UGT1A7: variants seen among roughly 807,000 people sequenced by gnomAD.
The protein encoded by UGT1A7 is UDP-glucuronosyltransferase 1A7.
UGT1A7 carries 33 observed loss-of-function variants against 45.6 expected under a neutral mutation model. The observed-to-expected ratio is 0.72, with a 90% CI of 0.55 to 0.97. The LOEUF (loss-of-function observed/expected upper bound fraction) is 0.97. UGT1A7 is among the 50% of genes least tolerant of loss of function. The pLI, the probability that UGT1A7 is intolerant of heterozygous loss-of-function variation, is 0.00. For synonymous variants in UGT1A7, 274 were observed against 250.6 expected, an observed-to-expected ratio of 1.09 and a Z score of -0.88; for missense variants, 684 against 666.2, an observed-to-expected ratio of 1.03 and a Z score of -0.29.
intron 1 of UGT1A7, among the ~76,000 whole-genome samples, chr2:233,724,139 G>A (rs2077174817): frequency 8.1e-6 from 1 of 123,450 alleles, no homozygotes; most frequent in South Asian, 2.8e-4. Context: ...TCCCGGACGG[G>A]GCGGCTGGCC....
chr2:233,768,483 T>A (rs373208475), intron 4 of UGT1A7, 44 bp downstream of exon 4: 16 of 1,586,602 alleles, frequency 1.0e-5, no homozygotes, highest in Non-Finnish European at 1.4e-5. Flanking sequence ...ATGGCATTCA[T>A]GATAAAATTG....
intron 1 of UGT1A7, chr2:233,728,971 AT>A: frequency 6.7e-7 from 1 of 1,483,170 alleles, no homozygotes; most frequent in Non-Finnish European, 9.0e-7. Flanking sequence ...ACAGTGATAG[AT>A]TAATGGTTAA....
At chr2:233,732,625 G>A (rs1018274304) in intron 1 of UGT1A7, among the ~76,000 whole-genome samples, 1 of 152,154 alleles carries the variant, frequency 6.6e-6, no homozygotes, top group African/African-American at 2.4e-5. Context: ...TAGATGTGTG[G>A]TGTTATTTCT....
intron 1 of UGT1A7, among the ~76,000 whole-genome samples, chr2:233,758,983 C>T (rs544214589): frequency 1.3e-5 from 2 of 152,264 alleles, no homozygotes; most frequent in South Asian, 4.2e-4. Context: ...GATCTTGGGC[C>T]AGTGGAATGA....
In UGT1A7 at chr2:233,769,767, A is replaced by G. The variant is rs1575845901; in HGVS notation, c.1295+1328A>G. 7.3e-7 allele frequency: 1 copy of G among 1,374,516 alleles called. No individual in the cohort carries two copies. The highest frequency in any genetic ancestry group is 9.5e-7 in the Non-Finnish European group (1 of 1,054,324). 85.1% of individuals were successfully genotyped at this position (1,374,516 alleles called of 1,614,324 possible). On this transcript the variant is annotated intron_variant, in intron 4 of 4. Coordinates refer to ENST00000373426, the MANE Select transcript of UGT1A7 (RefSeq NM_019077.3). The surrounding 1 kb of genome is among the most constrained non-coding windows in gnomAD (Gnocchi z 4.4). ...CCACTCTGGAGGCTAAGGCGGGAGG[A>G]TTGCTTGAGCCCAGAAGTTGGAGGC...
intron 1 of UGT1A7, among the ~76,000 whole-genome samples, chr2:233,736,576 T>G: frequency 6.6e-6 from 1 of 152,372 alleles, no homozygotes; most frequent in Admixed American, 6.5e-5. Flanking sequence ...TGTGATCCTT[T>G]GGAGGAGATG....
rs28900403 is a variant in UGT1A7 at position 233,768,158 on chromosome 2, A to G, written c.1076-62A>G. 1.0e-3 allele frequency: 1,655 copies of G among 1,613,190 alleles called. 19 individuals are homozygous for G. The African/African-American group carries it at 0.019, about 19-fold the overall frequency. On this transcript the variant is annotated intron_variant, in intron 3 of 4. Transcript: ENST00000373426. ...TCTTTGGAGTGTTTTCAGAACCTAG[A>G]TGTGTCCAGCTGTGAAACTCAGAGA...
At chr2:233,743,851 C>G in intron 1 of UGT1A7, 1 of 1,367,244 alleles carries the variant, frequency 7.3e-7, no homozygotes, top group Non-Finnish European at 9.8e-7. Context: ...GCTTGCGGTA[C>G]GCCTTCTTGA....
chr2:233,698,051 C>G (rs902797385), intron 1 of UGT1A7, among the ~76,000 whole-genome samples: 1 of 152,112 alleles, frequency 6.6e-6, no homozygotes, highest in Non-Finnish European at 1.5e-5. Context: ...AAGTTGTACT[C>G]AGTTATATTG....
chr2:233,757,384 T>TA (rs1696511783), intron 1 of UGT1A7, among the ~76,000 whole-genome samples: 1 of 151,252 alleles, frequency 6.6e-6, no homozygotes. Context: ...ATTCAGCACT[T>TA]ACTTGCTGGC....
intron 1 of UGT1A7, chr2:233,747,259 G>A: frequency 6.2e-7 from 1 of 1,600,500 alleles, no homozygotes; most frequent in South Asian, 1.1e-5. Context: ...GGCCACAGGA[G>A]TGCTACTCCT....
At chr2:233,709,129 A>C (rs2076058664) in intron 1 of UGT1A7, among the ~76,000 whole-genome samples, 1 of 152,130 alleles carries the variant, frequency 6.6e-6, no homozygotes, top group South Asian at 2.1e-4. Flanking sequence ...ATGGTGGCCA[A>C]GGGGATGAGA....
chr2:233,729,056 T>G, intron 1 of UGT1A7: 1 of 1,610,084 alleles, frequency 6.2e-7, no homozygotes, highest in Non-Finnish European at 8.5e-7. Flanking sequence ...ACAAGGTAAT[T>G]AAGATGAAGA....
intron 1 of UGT1A7, chr2:233,729,209 G>T (rs1321436420): frequency 6.2e-7 from 1 of 1,613,990 alleles, no homozygotes. Flanking sequence ...TGGGCTGAGA[G>T]TGGAAAGGTG....
chr2:233,719,211 C>T, intron 1 of UGT1A7: 2 of 1,614,194 alleles, frequency 1.2e-6, no homozygotes, highest in Non-Finnish European at 1.7e-6. Flanking sequence ...TTGTGTGGAG[C>T]TACTGCATAA....
intron 4 of UGT1A7, 143 bp downstream of exon 4, chr2:233,768,582 CTTTTTTTTTTT>C (rs139595073): frequency 1.7e-3 from 1,723 of 1,029,514 alleles, no homozygotes; most frequent in Middle Eastern, 4.0e-3. Flanking sequence ...TTTATTTCTT[CTTTTTTTTTTT>C]TTTTTTTTTT....
rs775782205 is a variant in UGT1A7, at chr2:233,682,376, C to T, written c.439C>T (p.Leu147Phe). ...LKESCFDAVF[L>F]DPFDACGLIV... ...GGAGAGTTGTTTTGATGCAGTGTTT[C>T]TCGATCCTTTTGATGCCTGTGGCTT... Residue 147 changes from leucine to phenylalanine, a missense_variant, in exon 1 of 5, where the codon CTC (leucine) becomes TTC (phenylalanine). Coordinates refer to ENST00000373426, the MANE Select transcript of UGT1A7 (RefSeq NM_019077.3). The T allele has an allele frequency of 6.2e-7, 1 of 1,613,978 alleles. No individual in the cohort carries two copies. Among genetic ancestry groups the T allele is most frequent in the East Asian group, 2.2e-5 (1 of 44,886 alleles).
intron 1 of UGT1A7, among the ~76,000 whole-genome samples, chr2:233,731,327 G>A (rs538271655): frequency 1.1e-4 from 17 of 148,560 alleles, no homozygotes; most frequent in African/African-American, 4.0e-4. Context: ...GGGTACATGT[G>A]CACAAATTGC....
At chr2:233,746,034 G>A (rs1246019624) in intron 1 of UGT1A7, among the ~76,000 whole-genome samples, 1 of 151,740 alleles carries the variant, frequency 6.6e-6, no homozygotes, top group East Asian at 1.9e-4. Flanking sequence ...GCACTTACTT[G>A]CTGGCTTGGA....
Sources: gnomAD v4.1 joint callset for allele counts (sites outside exome capture counted in the v4.1 genomes callset) on GRCh38, gnomAD v4.1.1 for gene constraint, Gnocchi (gnomAD v3.1) non-coding constraint, MANE v1.5 for transcripts, NCBI Gene and HGNC (gene_info 2026-07-23, HGNC 2026-07-21) for gene names.